NLGN1: variants seen among roughly 807,000 people sequenced by gnomAD.
NLGN1 encodes the protein neuroligin 1, also known as neuroligin-1.
NLGN1 carries 12 observed loss-of-function variants against 65.5 expected under a neutral mutation model. The ratio of observed to expected loss-of-function variants is 0.18; its 90% CI spans 0.12 to 0.30. The LOEUF (loss-of-function observed/expected upper bound fraction) is 0.30. NLGN1 is among the 10% of genes least tolerant of loss of function. NLGN1 has a pLI of 1.00. For missense variants in NLGN1, 750 were observed against 1,007.1 expected (o/e 0.74, Z 3.46); for synonymous variants, 350 against 359.5 (o/e 0.97, Z 0.30).
intron 4 of NLGN1, among the ~76,000 whole-genome samples, chr3:174,233,253 G>A (rs12629264): frequency 0.32 from 47,865 of 151,832 alleles, 8,142 homozygotes; most frequent in East Asian, 0.52. Context: ...AGCCTGAGGC[G>A]GGAGGAGTTC....
chr3:173,651,648 C>T (rs1759196092), intron 3 of NLGN1, among the ~76,000 whole-genome samples: 2 of 152,048 alleles, frequency 1.3e-5, no homozygotes, highest in South Asian at 2.1e-4. Flanking sequence ...TTAATAATAG[C>T]CATTCTGACT....
At chr3:173,747,574 G>A (rs1775660246) in intron 3 of NLGN1, among the ~76,000 whole-genome samples, 1 of 149,758 alleles carries the variant, frequency 6.7e-6, no homozygotes, top group African/African-American at 2.4e-5. Context: ...TTTTTTCTTC[G>A]CAATCTTTTC....
chr3:173,500,413 T>C (rs1323211887), intron 2 of NLGN1, among the ~76,000 whole-genome samples: 1 of 152,166 alleles, frequency 6.6e-6, no homozygotes, highest in Non-Finnish European at 1.5e-5. Context: ...CACTTGATCA[T>C]GGTGGATAAG....
At chr3:173,949,792 T>C (rs1306116404) in intron 4 of NLGN1, among the ~76,000 whole-genome samples, 1 of 152,194 alleles carries the variant, frequency 6.6e-6, no homozygotes, top group African/African-American at 2.4e-5. Context: ...TGCTGGAGTT[T>C]AAGATGTCAG....
At position 174,163,800 on chromosome 3, in the gene NLGN1, A is replaced by G. The variant is rs141156407; in HGVS notation, c.647-111515A>G. On this transcript the variant is annotated intron_variant, in intron 4 of 6. Transcript: ENST00000457714. ...ATGGCTGCATAATATTCCATGGCAT[A>G]TATGTACCATGTTTTCGTTATCCAG... Among the ~76,000 whole-genome samples the G allele has an allele frequency of 2.6e-3, 396 of 152,212 alleles. 2 individuals carry two copies. Among genetic ancestry groups the G allele is most frequent in the African/African-American group, 9.0e-3 (373 of 41,528 alleles).
chr3:174,236,904 A>G (rs1362426784), intron 4 of NLGN1, among the ~76,000 whole-genome samples: 2 of 152,084 alleles, frequency 1.3e-5, no homozygotes, highest in Admixed American at 6.5e-5. Context: ...TCAAATCTGT[A>G]AAAGTAAGTA....
At chr3:174,232,720 C>T (rs1266835818) in intron 4 of NLGN1, among the ~76,000 whole-genome samples, 2 of 152,086 alleles carry the variant, frequency 1.3e-5, no homozygotes, top group Admixed American at 6.5e-5. Context: ...AGTTTAATGG[C>T]AAGACAGATT....
intron 4 of NLGN1, among the ~76,000 whole-genome samples, chr3:173,906,592 C>T (rs912354221): frequency 2.0e-5 from 3 of 152,102 alleles, no homozygotes; most frequent in South Asian, 2.1e-4. Flanking sequence ...GCCTTTCCCA[C>T]GATGGAGGCA....
intron 2 of NLGN1, chr3:173,584,793 G>T (rs1560003231): frequency 6.6e-6 from 1 of 151,026 alleles, no homozygotes; most frequent in Non-Finnish European, 1.5e-5. Context: ...AAGGAGGGGG[G>T]GGTGCAAAAC....
chr3:173,906,554 T>G (rs902746074), intron 4 of NLGN1, among the ~76,000 whole-genome samples: 2 of 152,142 alleles, frequency 1.3e-5, no homozygotes, highest in Non-Finnish European at 2.9e-5. Flanking sequence ...GTAAACAAAT[T>G]TGTGATAAAA....
At chr3:174,074,016 T>C (rs1740414883) in intron 4 of NLGN1, among the ~76,000 whole-genome samples, 1 of 152,208 alleles carries the variant, frequency 6.6e-6, no homozygotes. Context: ...GTTTGTCAGA[T>C]ACACTAGCAG....
intron 2 of NLGN1, among the ~76,000 whole-genome samples, chr3:173,482,156 A>G (rs183443700): frequency 1.4e-3 from 208 of 151,780 alleles, no homozygotes; most frequent in African/African-American, 4.8e-3. Context: ...TCCATGTGTT[A>G]TTTTTCATTT....
chr3:173,551,518 G>A (rs1367191072), intron 2 of NLGN1, among the ~76,000 whole-genome samples: 1 of 152,160 alleles, frequency 6.6e-6, no homozygotes, highest in African/African-American at 2.4e-5. Flanking sequence ...CTGAGCCTAA[G>A]AAGGCTTATA....
In NLGN1 at chr3:174,116,330, C is replaced by CTTTTTTTTTTTTTTTTTTTTT. The variant is rs1168837585; in HGVS notation, c.647-158978_647-158958dup. 3.4e-4 allele frequency among the ~76,000 whole-genome samples: 24 copies of CTTTTTTTTTTTTTTTTTTTTT among 69,634 alleles called. 12 individuals carry two copies. Among genetic ancestry groups the CTTTTTTTTTTTTTTTTTTTTT allele is most frequent in the Non-Finnish European group, 3.6e-4 (12 of 33,126 alleles). 45.7% of individuals were successfully genotyped at this position (69,634 alleles called of 152,430 possible). ...ACATGTAAGTTTTTTTCTGGGTTTT[C>CTTTTTTTTTTTTTTTTTTTTT]TTTTTTTTTTTTTTTTTTTTTTTTT... On this transcript the variant is annotated intron_variant, in intron 4 of 6. Coordinates refer to ENST00000457714, the Ensembl canonical transcript of NLGN1.
intron 2 of NLGN1, among the ~76,000 whole-genome samples, chr3:173,568,402 T>G (rs147025727): frequency 6.6e-6 from 1 of 151,818 alleles, no homozygotes; most frequent in Non-Finnish European, 1.5e-5. Context: ...CCTGGCTAAT[T>G]TTTGTATTTT....
intron 4 of NLGN1, among the ~76,000 whole-genome samples, chr3:173,865,453 T>C (rs1729948107): frequency 6.6e-6 from 1 of 152,180 alleles, no homozygotes; most frequent in Admixed American, 6.5e-5. Context: ...GGACATAGTA[T>C]GTGTTAGAAA....
intron 3 of NLGN1, among the ~76,000 whole-genome samples, chr3:173,661,815 A>G (rs1456428709): frequency 6.6e-6 from 1 of 152,024 alleles, no homozygotes; most frequent in African/African-American, 2.4e-5. Context: ...ATTAAAAGAT[A>G]AGTTTACCCA....
In NLGN1 at chr3:173,568,482, G is replaced by A. The variant is rs181468879; in HGVS notation, c.-320-35797G>A. Among the ~76,000 whole-genome samples the A allele has an allele frequency of 7.6e-4, 115 of 152,106 alleles. No homozygotes were observed. The South Asian group carries it at 0.014, about 18-fold the overall frequency. Reference sequence around the variant, plus strand: ...CTCCTGACCTCAAAGTGAACCACCCGCCTCGGCCTCCCAAATTGTTGGGAT... The same window carrying A: ...CTCCTGACCTCAAAGTGAACCACCCACCTCGGCCTCCCAAATTGTTGGGAT... On this transcript the variant is annotated intron_variant, in intron 2 of 6. Transcript: ENST00000457714.
At chr3:173,408,039 C>T (rs976597949) in intron 1 of NLGN1, among the ~76,000 whole-genome samples, 1 of 152,054 alleles carries the variant, frequency 6.6e-6, no homozygotes, top group African/African-American at 2.4e-5. Flanking sequence ...ATTTGATTGC[C>T]TGTCATCAAA....
Sources: gnomAD v4.1 joint callset for allele counts (sites outside exome capture counted in the v4.1 genomes callset) on GRCh38, gnomAD v4.1.1 for gene constraint, MANE v1.5 for transcripts, NCBI Gene and HGNC (gene_info 2026-07-23, HGNC 2026-07-21) for gene names.